CELF2: variants seen among roughly 807,000 people sequenced by gnomAD.
CELF2 encodes CUG triplet repeat RNA-binding protein 2.
A neutral mutation model predicts 62.6 loss-of-function variants in CELF2; 8 were observed. That is an observed-to-expected ratio of 0.13 (90% CI 0.07 to 0.23). CELF2 has a LOEUF of 0.23. CELF2 is among the 10% of genes least tolerant of loss of function. The probability of loss-of-function intolerance (pLI) is 1.00; values close to 1 mark genes in which losing one functional copy is unlikely to be tolerated. For missense variants in CELF2, 333 were observed against 671.0 expected (o/e 0.50, Z 5.56); for synonymous variants, 258 against 250.0 (o/e 1.03, Z -0.30).
At chr10:11,189,801 C>CA (rs2075867917) in intron 2 of CELF2, among the ~76,000 whole-genome samples, 1 of 152,230 alleles carries the variant, frequency 6.6e-6, no homozygotes. Context: ...GGAATTCCAG[C>CA]ACCAGCGATG....
the CELF2 span, among the ~76,000 whole-genome samples, chr10:10,493,214 G>A: frequency 6.6e-6 from 1 of 152,212 alleles, no homozygotes; most frequent in African/African-American, 2.4e-5. Context: ...TCTTAAATGA[G>A]GCACTAGAGT....
rs746950693 is a variant in CELF2, at chr10:11,224,528, C to T, written c.354+7021C>T. Among the ~76,000 whole-genome samples, 60 of 152,010 alleles carry T rather than the reference C, an allele frequency of 3.9e-4. No individual in the cohort carries two copies. Among genetic ancestry groups the T allele is most frequent in the Non-Finnish European group, 4.7e-4 (32 of 67,968 alleles). On this transcript the variant is annotated intron_variant, in intron 3 of 12. Transcript: ENST00000633077. This position sits in a 1 kb window ranked among gnomAD's most constrained non-coding sequence, Gnocchi z 4.5. ...TTTCAAAAGAAGATTGTGGGGGAGG[C>T]GGGGGATCCATGAATTTGATTAAAG...
chr10:11,115,073 C>G (rs1423145815), intron 1 of CELF2, among the ~76,000 whole-genome samples: 1 of 152,066 alleles, frequency 6.6e-6, no homozygotes, highest in Non-Finnish European at 1.5e-5. Flanking sequence ...TAAAATTGGC[C>G]CCACATAAAT....
the CELF2 span, among the ~76,000 whole-genome samples, chr10:10,468,300 G>A: frequency 6.6e-6 from 1 of 151,938 alleles, no homozygotes; most frequent in Admixed American, 6.6e-5. Context: ...CCATAAAACT[G>A]TTGCCATGAC....
At chr10:10,929,953 G>A (rs554453259) in intron 2 of CELF2, among the ~76,000 whole-genome samples, 74 of 152,266 alleles carry the variant, frequency 4.9e-4, no homozygotes, top group South Asian at 2.1e-4. Flanking sequence ...TATAATACAC[G>A]AAAATAACAA....
intron 2 of CELF2, among the ~76,000 whole-genome samples, chr10:10,991,393 G>A (rs1564323952): frequency 6.6e-6 from 1 of 152,178 alleles, no homozygotes; most frequent in East Asian, 1.9e-4. Flanking sequence ...AAGAGTCTCA[G>A]TGGGGATGAT....
the CELF2 span, among the ~76,000 whole-genome samples, chr10:10,701,904 A>T: frequency 6.6e-6 from 1 of 152,232 alleles, no homozygotes; most frequent in Non-Finnish European, 1.5e-5. Context: ...CAAATGAATT[A>T]GATTTAGTCT....
intron 1 of CELF2, among the ~76,000 whole-genome samples, chr10:10,846,868 T>C (rs2059047088): frequency 3.9e-5 from 6 of 152,208 alleles, no homozygotes; most frequent in Admixed American, 3.9e-4. Context: ...CTATTGTACA[T>C]GCTGTTTAAA....
chr10:10,900,041 A>G (rs1028173500), intron 1 of CELF2, among the ~76,000 whole-genome samples: 2 of 152,234 alleles, frequency 1.3e-5, no homozygotes, highest in African/African-American at 4.8e-5. Flanking sequence ...CTCACTAAAC[A>G]AGAAATAGAT....
chr10:10,920,153 T>C (rs924937069), intron 2 of CELF2, among the ~76,000 whole-genome samples: 1 of 152,256 alleles, frequency 6.6e-6, no homozygotes, highest in Non-Finnish European at 1.5e-5. Flanking sequence ...CCAAAAATTA[T>C]GCATGCGTCA....
intron 1 of CELF2, among the ~76,000 whole-genome samples, chr10:10,870,469 G>C (rs779471316): frequency 2.6e-5 from 4 of 152,034 alleles, no homozygotes; most frequent in Non-Finnish European, 4.4e-5. Context: ...TGGAAACGCC[G>C]GTGTGGCTCT....
At chr10:11,320,448 A>G (rs1427321780) in intron 10 of CELF2, among the ~76,000 whole-genome samples, 6 of 152,120 alleles carry the variant, frequency 3.9e-5, no homozygotes, top group Non-Finnish European at 5.9e-5. Flanking sequence ...CAGAATAACT[A>G]TTTGCTGCTG....
At chr10:11,129,462 C>T (rs1160180428) in intron 1 of CELF2, among the ~76,000 whole-genome samples, 2 of 152,124 alleles carry the variant, frequency 1.3e-5, no homozygotes, top group East Asian at 1.9e-4. Flanking sequence ...GGTACCAGCT[C>T]TTCTTTGTAC....
intron 8 of CELF2, among the ~76,000 whole-genome samples, chr10:11,279,375 T>C (rs1448459136): frequency 6.6e-6 from 1 of 152,222 alleles, no homozygotes; most frequent in Non-Finnish European, 1.5e-5. Flanking sequence ...AAGACTGTCT[T>C]GGTGTCTAGC....
chr10:10,729,374 T>C, the CELF2 span, among the ~76,000 whole-genome samples: 2 of 152,124 alleles, frequency 1.3e-5, no homozygotes, highest in Non-Finnish European at 2.9e-5. Context: ...GTATAGCAGA[T>C]GAGGTGAGAA....
chr10:10,522,031 A>G, the CELF2 span, among the ~76,000 whole-genome samples: 1 of 152,296 alleles, frequency 6.6e-6, no homozygotes, highest in Admixed American at 6.5e-5. Flanking sequence ...AAGACGTGGC[A>G]TCTCCTGGTG....
the CELF2 span, among the ~76,000 whole-genome samples, chr10:10,634,305 A>T: frequency 4.6e-5 from 7 of 152,034 alleles, no homozygotes; most frequent in Admixed American, 4.6e-4. Flanking sequence ...TATATTCTAA[A>T]TTGGGGGTAT....
At chr10:11,096,646 G>A (rs1432999510) in intron 1 of CELF2, among the ~76,000 whole-genome samples, 1 of 152,142 alleles carries the variant, frequency 6.6e-6, no homozygotes, top group African/African-American at 2.4e-5. Context: ...TTTTCTCCAT[G>A]GAATCCCTCT....
the CELF2 span, among the ~76,000 whole-genome samples, chr10:10,496,775 C>T: frequency 7.9e-5 from 12 of 152,070 alleles, no homozygotes; most frequent in African/African-American, 2.7e-4. Context: ...CTTAACACTC[C>T]TAACTACAGT....
Sources: allele counts gnomAD v4.1 joint callset (sites outside exome capture counted in the v4.1 genomes callset), GRCh38; gene constraint gnomAD v4.1.1; non-coding constraint Gnocchi (gnomAD v3.1); transcripts MANE v1.5; gene names NCBI Gene and HGNC (gene_info 2026-07-23, HGNC 2026-07-21).